Variants in GALNT13 observed in about 807,000 individuals in gnomAD.
GALNT13 encodes polypeptide N-acetylgalactosaminyltransferase 13, also known as UDP-GalNAc:polypeptide N-acetylgalactosaminyltransferase 13.
In GALNT13, 28 loss-of-function variants were observed where a neutral mutation model predicts 64.2. That is an observed-to-expected ratio of 0.44 (90% CI 0.32 to 0.60). The LOEUF (loss-of-function observed/expected upper bound fraction) is 0.60. Among genes scored for constraint, GALNT13 ranks in the 20% least tolerant of loss-of-function variants. The pLI is 0.05. For synonymous variants in GALNT13, 214 were observed against 224.6 expected (o/e 0.95, Z 0.42); for missense variants, 577 against 669.8 (o/e 0.86, Z 1.53).
At chr2:153,421,989 G>GAAAAGAA in the GALNT13 span, 1 of 153,740 alleles carries the variant, frequency 6.5e-6, no homozygotes, top group Non-Finnish European at 1.5e-5. Context: ...GCAAAAGTCA[G>GAAAAGAA]AAGATACTGG....
chr2:153,262,211 C>T, the GALNT13 span, among the ~76,000 whole-genome samples: 1 of 152,188 alleles, frequency 6.6e-6, no homozygotes, highest in Admixed American at 6.5e-5. Context: ...TCACTCAGGG[C>T]CCACAGTGTG....
the GALNT13 span, among the ~76,000 whole-genome samples, chr2:153,100,764 C>T: frequency 4.6e-4 from 70 of 152,202 alleles, no homozygotes; most frequent in African/African-American, 1.6e-3. Flanking sequence ...CACTATGGCT[C>T]ACGCCTGTAA....
chr2:153,997,334 A>AT (rs1258915534), intron 3 of GALNT13, among the ~76,000 whole-genome samples: 12 of 151,634 alleles, frequency 7.9e-5, no homozygotes, highest in Admixed American at 2.6e-4. Context: ...TGTCTGCTTC[A>AT]TTTTTTCATT....
intron 4 of GALNT13, among the ~76,000 whole-genome samples, chr2:154,215,017 G>A: frequency 6.6e-6 from 1 of 152,190 alleles, no homozygotes; most frequent in Middle Eastern, 3.2e-3. Context: ...TTGCTGAGCT[G>A]TGTAGTATAT....
At chr2:154,252,724 AAGATAGATAGATAGATAGATAGAT>A (rs70983713) in intron 7 of GALNT13, among the ~76,000 whole-genome samples, 181 of 146,732 alleles carry the variant, frequency 1.2e-3, no homozygotes, top group African/African-American at 2.3e-3. Flanking sequence ...CGAATGGAAA[AAGATAGATAGATAGATAGATAGAT>A]AGATAGATAG....
chr2:153,332,074 GT>G, the GALNT13 span, among the ~76,000 whole-genome samples: 2 of 151,888 alleles, frequency 1.3e-5, no homozygotes, highest in Non-Finnish European at 2.9e-5. Flanking sequence ...TTTTCTGTCT[GT>G]TTTTTTCTTG....
chr2:153,601,982 A>G, the GALNT13 span, among the ~76,000 whole-genome samples: 73 of 151,882 alleles, frequency 4.8e-4, no homozygotes, highest in Non-Finnish European at 9.4e-4. Context: ...AAAATGCTTA[A>G]ATTGGCAAAT....
the GALNT13 span, among the ~76,000 whole-genome samples, chr2:153,827,478 A>G: frequency 1.3e-5 from 2 of 152,080 alleles, no homozygotes; most frequent in African/African-American, 2.4e-5. Context: ...AAAAAAAATT[A>G]GCTGGTCGTG....
At chr2:154,111,779 C>G (rs1445211048) in intron 3 of GALNT13, among the ~76,000 whole-genome samples, 1 of 152,122 alleles carries the variant, frequency 6.6e-6, no homozygotes, top group Non-Finnish European at 1.5e-5. Flanking sequence ...TTTGCCTCAG[C>G]CCTGCAAAGT....
chr2:153,455,855 A>T, the GALNT13 span, among the ~76,000 whole-genome samples: 1 of 152,216 alleles, frequency 6.6e-6, no homozygotes, highest in South Asian at 2.1e-4. Flanking sequence ...AAAATAAAAA[A>T]AATGAGGTAG....
At chr2:153,072,196 C>T in the GALNT13 span, among the ~76,000 whole-genome samples, 1 of 152,140 alleles carries the variant, frequency 6.6e-6, no homozygotes, top group South Asian at 2.1e-4. Context: ...TCATTTTTAT[C>T]ACTGCTAAAG....
the GALNT13 span, among the ~76,000 whole-genome samples, chr2:153,738,981 G>A: frequency 0.84 from 128,240 of 151,822 alleles, 55,021 homozygotes; most frequent in Middle Eastern, 0.88. Context: ...CCATCTGTGC[G>A]TGATCACACA....
chr2:153,759,473 A>G, the GALNT13 span, among the ~76,000 whole-genome samples: 16 of 152,108 alleles, frequency 1.1e-4, no homozygotes, highest in Non-Finnish European at 2.4e-4. Flanking sequence ...GTTGAGGTAC[A>G]TTCCTTCTAT....
At chr2:154,455,408 T>C (rs184888109), downstream of GALNT13, among the ~76,000 whole-genome samples, 2 of 152,338 alleles carry the variant, frequency 1.3e-5, no homozygotes, top group Non-Finnish European at 2.9e-5. Context: ...ATTCAAATTT[T>C]TAATGGATGT....
chr2:153,840,441 T>C, the GALNT13 span, among the ~76,000 whole-genome samples: 1 of 152,122 alleles, frequency 6.6e-6, no homozygotes, highest in Non-Finnish European at 1.5e-5. Context: ...AATAACCTTC[T>C]GGGCAGCAAC....
At chr2:153,373,452 C>G in the GALNT13 span, among the ~76,000 whole-genome samples, 1 of 152,130 alleles carries the variant, frequency 6.6e-6, no homozygotes, top group South Asian at 2.1e-4. Context: ...CGCCATCTAC[C>G]CAACCTGGCC....
At chr2:154,394,642 C>T (rs937811848) in intron 9 of GALNT13, among the ~76,000 whole-genome samples, 2 of 152,126 alleles carry the variant, frequency 1.3e-5, no homozygotes, top group African/African-American at 4.8e-5. Flanking sequence ...AGAAATTCTT[C>T]TAGTGATTTA....
At chr2:153,904,322 A>G (rs983273275) in intron 2 of GALNT13, among the ~76,000 whole-genome samples, 1 of 151,886 alleles carries the variant, frequency 6.6e-6, no homozygotes, top group Admixed American at 6.6e-5. Flanking sequence ...ATATGTACAT[A>G]TATTTCTCTT....
chr2:153,393,291 G>T, the GALNT13 span, among the ~76,000 whole-genome samples: 1 of 151,270 alleles, frequency 6.6e-6, no homozygotes, highest in African/African-American at 2.4e-5. Flanking sequence ...TCTTGCTCAG[G>T]GAAATAGATG....
Sources: allele counts gnomAD v4.1 joint callset (sites outside exome capture counted in the v4.1 genomes callset), GRCh38; gene constraint gnomAD v4.1.1; transcripts MANE v1.5; gene names NCBI Gene and HGNC (gene_info 2026-07-23, HGNC 2026-07-21).